The following PRDM11 variants were observed in gnomAD, a reference collection of about 807,000 sequenced individuals.
PRDM11 encodes PR/SET domain 11, also known as PR domain-containing protein 11.
Under a neutral mutation model 97.8 loss-of-function variants are expected in PRDM11, and 20 were observed. The observed-to-expected ratio is 0.20, with a 90% CI of 0.14 to 0.30. The LOEUF (loss-of-function observed/expected upper bound fraction) is 0.30. Among genes scored for constraint, PRDM11 ranks in the 10% least tolerant of loss-of-function variants. The pLI, the probability that PRDM11 is intolerant of heterozygous loss-of-function variation, is 1.00. For synonymous variants in PRDM11, 599 were observed against 637.7 expected (o/e 0.94, Z 0.91); for missense variants, 1,139 against 1,555.2 (o/e 0.73, Z 4.50).
intron 1 of PRDM11, among the ~76,000 whole-genome samples, chr11:45,124,403 G>T (rs969980576): frequency 9.3e-4 from 142 of 152,100 alleles, no homozygotes; most frequent in African/African-American, 3.3e-3. Context: ...GTGAGAGAGG[G>T]CATCCCTGTC....
rs374920419 is a variant in PRDM11 at position 45,216,350 on chromosome 11, G to A, written c.555-3220G>A. On this transcript the variant is annotated intron_variant, in intron 5 of 7. Coordinates refer to ENST00000683152, the MANE Select transcript of PRDM11 (RefSeq NM_001384648.1). ...AAGAGCTGCTCAGCCACAGTGGATA[G>A]ATTTTGCCCCTCCTGGTAGCCTTCC... The A allele has an allele frequency of 3.9e-5, 6 of 152,286 alleles. No homozygotes were observed. In the East Asian group the frequency reaches 7.7e-4, roughly 20 times the overall value. The allele number at this position is 152,286 out of a possible 1,614,324, so 9.4% of individuals were successfully genotyped here. A position where few individuals can be genotyped will look rare whatever the true frequency, so the allele number is the denominator to read the frequency against.
At chr11:45,223,943 A>G (rs922891880) in intron 6 of PRDM11, among the ~76,000 whole-genome samples, 6 of 152,188 alleles carry the variant, frequency 3.9e-5, no homozygotes, top group Non-Finnish European at 8.8e-5. Context: ...TCTCCCTTAT[A>G]GATTTCTCTT....
At position 45,224,393 on chromosome 11, in the gene PRDM11, G is replaced by C; in HGVS notation, c.919G>C (p.Asp307His). ...KKKKIDLIFK[D>H]VLEASLESAK... ...GAAGAAAATTGACCTGATTTTCAAG[G>C]ATGTTCTGGAGGCCTCACTGGAATC... The change falls in exon 7 of 8, where the codon GAT becomes CAT. Residue 307 changes from aspartate (D) to histidine (H), a missense_variant. By Grantham distance (81) the Asp-to-His change is moderately conservative (BLOSUM62 -1). Around this residue, in one of 2 missense-constraint regions of PRDM11, gnomAD observed 429 missense variants for 510.3 expected, o/e 0.84. Transcript: ENST00000683152. The C allele has an allele frequency of 6.2e-7, 1 of 1,614,214 alleles. No homozygotes were observed. The highest frequency in any genetic ancestry group is 8.5e-7 in the Non-Finnish European group (1 of 1,180,034).
At chr11:45,123,987 T>C (rs577629659) in intron 1 of PRDM11, among the ~76,000 whole-genome samples, 8 of 147,768 alleles carry the variant, frequency 5.4e-5, no homozygotes, top group African/African-American at 1.7e-4. Flanking sequence ...GCATGGAATG[T>C]TCTTCCATTT....
chr11:45,108,323 T>C (rs1254827294), intron 1 of PRDM11, among the ~76,000 whole-genome samples: 1 of 152,190 alleles, frequency 6.6e-6, no homozygotes, highest in Non-Finnish European at 1.5e-5. Flanking sequence ...CTCCCCATGA[T>C]GCAGCAGCTT....
At chr11:45,142,479 T>A (rs927116291), upstream of PRDM11, among the ~76,000 whole-genome samples, 6 of 152,142 alleles carry the variant, frequency 3.9e-5, no homozygotes, top group African/African-American at 1.2e-4. Context: ...CCTGTCCTCA[T>A]GATCTAGGGA....
At chr11:45,160,725 C>T (rs1420070403) in intron 1 of PRDM11, among the ~76,000 whole-genome samples, 1 of 152,214 alleles carries the variant, frequency 6.6e-6, no homozygotes, top group African/African-American at 2.4e-5. Context: ...ACTGCTGGGT[C>T]TGGGGAACCT....
At chr11:45,099,602 G>A (rs192521938) in intron 1 of PRDM11, among the ~76,000 whole-genome samples, 9 of 151,544 alleles carry the variant, frequency 5.9e-5, no homozygotes, top group East Asian at 1.9e-4. Flanking sequence ...TAGCAGGTGC[G>A]TATATGTATG....
At chr11:45,209,127 C>T in intron 5 of PRDM11, 1 of 456,510 alleles carries the variant, frequency 2.2e-6, no homozygotes. Context: ...CAAGGACAAG[C>T]TGGCCTTCAT....
At chr11:45,161,068 G>A (rs1032113223) in intron 1 of PRDM11, among the ~76,000 whole-genome samples, 1 of 152,162 alleles carries the variant, frequency 6.6e-6, no homozygotes, top group African/African-American at 2.4e-5. Flanking sequence ...TACCAACTGG[G>A]TACTCTGGGA....
At chr11:45,170,939 C>T (rs1852187886) in intron 1 of PRDM11, among the ~76,000 whole-genome samples, 1 of 152,122 alleles carries the variant, frequency 6.6e-6, no homozygotes, top group Non-Finnish European at 1.5e-5. Context: ...TGGTATTTAA[C>T]CAACCACCCC....
rs761685037 is a variant in PRDM11, at chr11:45,227,430, G to T, written c.2805G>T (p.Glu935Asp). 1.3e-6 allele frequency: 2 copies of T among 1,533,886 alleles called. No homozygotes were observed. ...GAGAATACCTGCAGGAGTTCGAGGA[G>T]AATTTCCGAGAGAGCTTCAACGGGA... ...SPGEYLQEFE[E>D]NFRESFNGIA... Residue 935 changes from glutamate (E) to aspartate (D), a missense_variant, in exon 8 of 8, where the codon GAG becomes GAT. Coordinates refer to ENST00000683152, the MANE Select transcript of PRDM11 (RefSeq NM_001384648.1). This position sits in a 1 kb window ranked among gnomAD's most constrained non-coding sequence, Gnocchi z 8.0.
chr11:45,142,175 G>A (rs1851419590), upstream of PRDM11, among the ~76,000 whole-genome samples: 1 of 152,178 alleles, frequency 6.6e-6, no homozygotes, highest in Non-Finnish European at 1.5e-5. Flanking sequence ...GGTCTCCCCA[G>A]CTTAAAATTA....
At chr11:45,152,591 G>A (rs1376660629) in intron 1 of PRDM11, among the ~76,000 whole-genome samples, 1 of 152,234 alleles carries the variant, frequency 6.6e-6, no homozygotes, top group African/African-American at 2.4e-5. Flanking sequence ...GGTAACTAGA[G>A]CCTCAAATAC....
chr11:45,104,425 G>C (rs1416672003), intron 1 of PRDM11, among the ~76,000 whole-genome samples: 2 of 152,182 alleles, frequency 1.3e-5, no homozygotes, highest in African/African-American at 4.8e-5. Context: ...CTGCAAAATG[G>C]GGACGAGGAC....
At chr11:45,099,653 T>A (rs1315835683) in intron 1 of PRDM11, among the ~76,000 whole-genome samples, 2 of 152,124 alleles carry the variant, frequency 1.3e-5, no homozygotes, top group Non-Finnish European at 2.9e-5. Context: ...CAATGCGCCA[T>A]AATCACATCA....
intron 1 of PRDM11, among the ~76,000 whole-genome samples, chr11:45,167,103 G>A (rs1405064336): frequency 6.6e-6 from 1 of 152,212 alleles, no homozygotes; most frequent in African/African-American, 2.4e-5. Flanking sequence ...GGGTTATAGA[G>A]AGGATTAAGT....
At chr11:45,145,546 C>A (rs1422021673), upstream of PRDM11, among the ~76,000 whole-genome samples, 1 of 152,212 alleles carries the variant, frequency 6.6e-6, no homozygotes, top group Non-Finnish European at 1.5e-5. Flanking sequence ...TCTTGCAGGG[C>A]TTCGTGGATG....
At chr11:45,217,118 G>T (rs771431381) in intron 5 of PRDM11, among the ~76,000 whole-genome samples, 10 of 152,218 alleles carry the variant, frequency 6.6e-5, no homozygotes, top group Admixed American at 3.9e-4. Context: ...TGTGCTAACC[G>T]CAAGGTTGAT....
Sources: gnomAD v4.1 joint callset for allele counts (sites outside exome capture counted in the v4.1 genomes callset) on GRCh38, gnomAD v4.1.1 for gene constraint, gnomAD v4.1.1 regional missense constraint, Gnocchi (gnomAD v3.1) non-coding constraint, MANE v1.5 for transcripts, NCBI Gene and HGNC (gene_info 2026-07-23, HGNC 2026-07-21) for gene names.